Variants in SHISAL1 observed in about 807,000 individuals in gnomAD.
SHISAL1 encodes the protein protein shisa-like-1.
In SHISAL1, 9 loss-of-function variants were observed where a neutral mutation model predicts 22.6. That is an observed-to-expected ratio of 0.40 (90% CI 0.24 to 0.70). The LOEUF (loss-of-function observed/expected upper bound fraction) is 0.70. SHISAL1 is among the 30% of genes least tolerant of loss of function. The probability of loss-of-function intolerance (pLI) is 0.39; values close to 1 mark genes in which losing one functional copy is unlikely to be tolerated. For missense variants in SHISAL1, 246 were observed against 270.6 expected (o/e 0.91, Z 0.64); for synonymous variants, 119 against 115.4 (o/e 1.03, Z -0.20).
chr22:44,316,577 G>A (rs1242046754), upstream of SHISAL1, among the ~76,000 whole-genome samples: 2 of 152,170 alleles, frequency 1.3e-5, no homozygotes, highest in Non-Finnish European at 2.9e-5. Context: ...GAGTGATGGT[G>A]TGTTCCAATA....
rs1202089377 is a variant in SHISAL1 at position 44,248,654 on chromosome 22, C to A, written c.*1031G>T. On this transcript the variant is annotated 3_prime_UTR_variant, in exon 5 of 5. Coordinates refer to ENST00000381176, the MANE Select transcript of SHISAL1 (RefSeq NM_001099294.2). ...CCGGGGGCAGAGATGAGATCTAACT[C>A]ATCTTTCATTCCCATCACTGCCCAG... 1.2e-4 allele frequency: 19 copies of A among 152,198 alleles called. No individual in the cohort carries two copies. Among genetic ancestry groups the A allele is most frequent in the Non-Finnish European group, 2.9e-5 (2 of 68,044 alleles). The allele number at this position is 152,198 out of a possible 1,614,324, so 9.4% of individuals were successfully genotyped here.
the SHISAL1 span, among the ~76,000 whole-genome samples, chr22:44,326,804 T>C: frequency 6.6e-6 from 1 of 152,078 alleles, no homozygotes; most frequent in Non-Finnish European, 1.5e-5. Flanking sequence ...TTACATTTCA[T>C]CTCAGCTTCT....
intron 4 of SHISAL1, among the ~76,000 whole-genome samples, chr22:44,284,466 C>T (rs144238850): frequency 1.2e-4 from 19 of 152,246 alleles, no homozygotes; most frequent in Non-Finnish European, 2.4e-4. Context: ...GGTCACTGTG[C>T]GGCAAACTCC....
At chr22:44,269,261 CACAG>C (rs377261343) in intron 4 of SHISAL1, among the ~76,000 whole-genome samples, 1 of 150,948 alleles carries the variant, frequency 6.6e-6, no homozygotes, top group Non-Finnish European at 1.5e-5. Flanking sequence ...ACACACGCCA[CACAG>C]ACACCCACAA....
chr22:44,287,835 T>C (rs1042900130), intron 3 of SHISAL1, among the ~76,000 whole-genome samples: 38 of 152,134 alleles, frequency 2.5e-4, no homozygotes, highest in African/African-American at 9.2e-4. Context: ...GCCCTCCTGC[T>C]TTCCCCAGCA....
chr22:44,279,541 G>C (rs1261846783), intron 4 of SHISAL1, among the ~76,000 whole-genome samples: 1 of 152,202 alleles, frequency 6.6e-6, no homozygotes, highest in Non-Finnish European at 1.5e-5. Flanking sequence ...AAGGTTCTGG[G>C]GTTGGGTGAA....
intron 1 of SHISAL1, among the ~76,000 whole-genome samples, chr22:44,302,631 T>C (rs1221498525): frequency 2.0e-5 from 3 of 151,634 alleles, no homozygotes; most frequent in Non-Finnish European, 4.4e-5. Flanking sequence ...GCAAAGGCCC[T>C]GGGGTGGGTG....
At chr22:44,293,488 G>C (rs1010985680) in intron 3 of SHISAL1, among the ~76,000 whole-genome samples, 9 of 152,170 alleles carry the variant, frequency 5.9e-5, no homozygotes, top group African/African-American at 1.9e-4. Flanking sequence ...GCACAGAGTG[G>C]GCCCCACCAT....
intron 1 of SHISAL1, among the ~76,000 whole-genome samples, chr22:44,302,131 A>T (rs980754224): frequency 6.6e-6 from 1 of 152,180 alleles, no homozygotes; most frequent in African/African-American, 2.4e-5. Flanking sequence ...ACCTGAGGTC[A>T]GGAGTTCGAG....
At chr22:44,287,599 C>T (rs950476589) in intron 3 of SHISAL1, among the ~76,000 whole-genome samples, 1 of 152,060 alleles carries the variant, frequency 6.6e-6, no homozygotes, top group African/African-American at 2.4e-5. Flanking sequence ...CTGATGGGCT[C>T]GCTCATGCTA....
chr22:44,262,454 C>T (rs2055131628), intron 4 of SHISAL1, among the ~76,000 whole-genome samples: 1 of 152,228 alleles, frequency 6.6e-6, no homozygotes, highest in South Asian at 2.1e-4. Context: ...CTGATTATCT[C>T]TTCTGTGCCG....
intron 3 of SHISAL1, among the ~76,000 whole-genome samples, chr22:44,288,708 T>C (rs1051338097): frequency 6.6e-6 from 1 of 152,194 alleles, no homozygotes; most frequent in African/African-American, 2.4e-5. Context: ...CTGGAGGCCT[T>C]TGTCCATGCT....
At chr22:44,279,177 G>A (rs562140125) in intron 4 of SHISAL1, among the ~76,000 whole-genome samples, 6 of 152,266 alleles carry the variant, frequency 3.9e-5, no homozygotes, top group South Asian at 2.1e-4. Flanking sequence ...CCAAACAAAC[G>A]GAAAGCAGCC....
intron 1 of SHISAL1, among the ~76,000 whole-genome samples, chr22:44,305,580 C>T (rs1011159019): frequency 6.6e-6 from 1 of 152,220 alleles, no homozygotes; most frequent in African/African-American, 2.4e-5. Context: ...CTTAGGAGTT[C>T]CAGGGACTGG....
At chr22:44,311,691 T>C (rs1601808953) in intron 1 of SHISAL1, among the ~76,000 whole-genome samples, 1 of 152,194 alleles carries the variant, frequency 6.6e-6, no homozygotes, top group Admixed American at 6.5e-5. Context: ...GGGGCTTAGC[T>C]GGAAACCCCA....
the SHISAL1 span, among the ~76,000 whole-genome samples, chr22:44,318,405 G>C: frequency 6.6e-6 from 1 of 152,246 alleles, no homozygotes; most frequent in Non-Finnish European, 1.5e-5. Flanking sequence ...GAAAGCAATC[G>C]GGACTGGGAT....
chr22:44,322,321 C>T, the SHISAL1 span, among the ~76,000 whole-genome samples: 1 of 152,226 alleles, frequency 6.6e-6, no homozygotes. Flanking sequence ...AGAGCACTCC[C>T]ATCCCTGGGC....
chr22:44,314,651 C>T (rs2147315094), upstream of SHISAL1, among the ~76,000 whole-genome samples: 1 of 152,284 alleles, frequency 6.6e-6, no homozygotes, highest in East Asian at 1.9e-4. Flanking sequence ...TGACCACATC[C>T]TCTTGCACAG....
At chr22:44,266,675 A>G (rs774607548) in intron 4 of SHISAL1, among the ~76,000 whole-genome samples, 15 of 151,896 alleles carry the variant, frequency 9.9e-5, no homozygotes, top group Non-Finnish European at 1.9e-4. Context: ...CTTTGGACAC[A>G]TGCTGTGGCC....
Sources: gnomAD v4.1 joint callset for allele counts (sites outside exome capture counted in the v4.1 genomes callset) on GRCh38, gnomAD v4.1.1 for gene constraint, MANE v1.5 for transcripts, NCBI Gene and HGNC (gene_info 2026-07-23, HGNC 2026-07-21) for gene names.